UVRAG: variants seen among roughly 807,000 people sequenced by gnomAD.
The protein encoded by UVRAG is UV radiation resistance associated.
In UVRAG, 19 loss-of-function variants were observed where a neutral mutation model predicts 78.0. The ratio of observed to expected loss-of-function variants is 0.24; its 90% CI spans 0.17 to 0.36. UVRAG has a LOEUF of 0.36. UVRAG is among the 10% of genes least tolerant of loss of function. The probability of loss-of-function intolerance (pLI) is 1.00; values close to 1 mark genes in which losing one functional copy is unlikely to be tolerated. For synonymous variants in UVRAG, 323 were observed against 324.6 expected (o/e 1.00, Z 0.05); for missense variants, 740 against 853.8 (o/e 0.87, Z 1.66).
At chr11:75,818,060 A>AAAAC (rs145140799) in intron 1 of UVRAG, among the ~76,000 whole-genome samples, 6,378 of 151,124 alleles carry the variant, frequency 0.042, 444 homozygotes, top group African/African-American at 0.15. Context: ...ACTCTATCTA[A>AAAAC]AAACAAACAA....
chr11:75,845,157 G>A (rs1189091988), intron 1 of UVRAG, among the ~76,000 whole-genome samples: 1 of 152,160 alleles, frequency 6.6e-6, no homozygotes, highest in East Asian at 1.9e-4. Flanking sequence ...GATTTTGTAT[G>A]TTAGTGAATG....
intron 13 of UVRAG, among the ~76,000 whole-genome samples, chr11:76,090,095 C>G (rs891197186): frequency 6.6e-6 from 1 of 152,188 alleles, no homozygotes; most frequent in Non-Finnish European, 1.5e-5. Flanking sequence ...TTCAACCAAT[C>G]TCCTGACTGC....
chr11:75,943,452 G>A (rs1948526649), intron 6 of UVRAG, among the ~76,000 whole-genome samples: 2 of 151,794 alleles, frequency 1.3e-5, no homozygotes, highest in East Asian at 1.9e-4. Flanking sequence ...TGTGTTTATT[G>A]TGTAATGAAT....
At chr11:75,954,515 A>G (rs572402362) in intron 6 of UVRAG, among the ~76,000 whole-genome samples, 12 of 152,232 alleles carry the variant, frequency 7.9e-5, no homozygotes, top group African/African-American at 2.9e-4. Context: ...AGTGGTCTCT[A>G]TGTGATTTTT....
At chr11:75,943,475 A>G (rs1413748887) in intron 6 of UVRAG, among the ~76,000 whole-genome samples, 1 of 152,158 alleles carries the variant, frequency 6.6e-6, no homozygotes, top group African/African-American at 2.4e-5. Context: ...ATTTTAAATT[A>G]AACTTACTAA....
chr11:76,025,061 T>C (rs1239261742), intron 12 of UVRAG, among the ~76,000 whole-genome samples: 1 of 152,214 alleles, frequency 6.6e-6, no homozygotes, highest in Non-Finnish European at 1.5e-5. Context: ...AAAAGACCGA[T>C]TTCTTTTCTT....
chr11:76,141,237 G>GGT lies in UVRAG; in HGVS notation c.1925_1926dup (p.Phe643ValfsTer8). 1 of 1,614,192 alleles carries GGT rather than the reference G, an allele frequency of 6.2e-7. No individual in the cohort carries two copies. Among genetic ancestry groups the GGT allele is most frequent in the East Asian group, 2.2e-5 (1 of 44,880 alleles). ...AGAAATCATCGGGCTGGAAGCCACA[G>GGT]GTTTCGCCTCAGGTGATCAGCTAGA... On this transcript the variant is annotated frameshift_variant, in exon 15 of 15. Transcript: ENST00000356136. LOFTEE classifies it high-confidence loss of function.
At chr11:76,043,169 A>T (rs1006491224) in intron 12 of UVRAG, among the ~76,000 whole-genome samples, 2 of 152,184 alleles carry the variant, frequency 1.3e-5, no homozygotes, top group African/African-American at 4.8e-5. Flanking sequence ...CGTAGTGAGT[A>T]TGTAGGTCAT....
intron 5 of UVRAG, among the ~76,000 whole-genome samples, chr11:75,907,192 C>T (rs976079829): frequency 3.3e-5 from 5 of 152,160 alleles, no homozygotes; most frequent in African/African-American, 1.2e-4. Context: ...GTTTGGAATA[C>T]ACTTTATTTT....
chr11:75,837,681 G>A (rs1462629109), intron 1 of UVRAG: 1 of 151,920 alleles, frequency 6.6e-6, no homozygotes, highest in African/African-American at 2.4e-5. Context: ...TTTTCTATCT[G>A]TAATTGGTTG....
chr11:75,825,111 CT>C (rs112517783), intron 1 of UVRAG, among the ~76,000 whole-genome samples: 506 of 140,998 alleles, frequency 3.6e-3, no homozygotes, highest in Middle Eastern at 3.7e-3. Context: ...TAAGTAATGT[CT>C]TTTTTTTTTT....
chr11:76,085,806 T>C lies in UVRAG; in HGVS notation c.1305+20018T>C, dbSNP rs559865643. ...TAGCATTTTTCAGCATTAGGTCTTG[T>C]GATCAAGGTAAGCAGGTTTGTCATT... On this transcript the variant is annotated intron_variant, in intron 13 of 14. Transcript: ENST00000356136. Among the ~76,000 whole-genome samples the C allele has an allele frequency of 1.1e-4, 16 of 152,336 alleles. No homozygotes were observed. The South Asian group carries it at 3.3e-3, about 32-fold the overall frequency.
intron 2 of UVRAG, among the ~76,000 whole-genome samples, chr11:75,855,495 A>T (rs1946267632): frequency 6.6e-6 from 1 of 152,240 alleles, no homozygotes; most frequent in Admixed American, 6.5e-5. Flanking sequence ...TGGGCTTTAC[A>T]AACTTTTAAC....
chr11:75,929,404 C>T (rs1264534397), intron 6 of UVRAG, among the ~76,000 whole-genome samples: 3 of 151,978 alleles, frequency 2.0e-5, no homozygotes, highest in Admixed American at 1.3e-4. Context: ...TAAACAGTAG[C>T]GGAATGAAAA....
chr11:76,137,117 A>G (rs1670478078), intron 14 of UVRAG: 1 of 269,074 alleles, frequency 3.7e-6, no homozygotes, highest in African/African-American at 2.2e-5. Flanking sequence ...TATAATAAAT[A>G]CAGCATATTG....
At chr11:76,124,566 C>G (rs951667513) in intron 14 of UVRAG, among the ~76,000 whole-genome samples, 1 of 152,206 alleles carries the variant, frequency 6.6e-6, no homozygotes, top group Non-Finnish European at 1.5e-5. Flanking sequence ...ATCTCAGTGA[C>G]CTTAGTAAGG....
intron 13 of UVRAG, among the ~76,000 whole-genome samples, chr11:76,076,377 A>T (rs1199338037): frequency 6.6e-6 from 1 of 152,218 alleles, no homozygotes; most frequent in Non-Finnish European, 1.5e-5. Context: ...ACTGTGTTAC[A>T]TGGCAGCAAG....
intron 12 of UVRAG, among the ~76,000 whole-genome samples, chr11:76,063,009 C>T (rs985756955): frequency 4.6e-5 from 7 of 152,116 alleles, no homozygotes; most frequent in Non-Finnish European, 7.3e-5. Flanking sequence ...AGCCTGGGAT[C>T]GCATTAGCTT....
intron 12 of UVRAG, among the ~76,000 whole-genome samples, chr11:76,051,093 C>T (rs965714449): frequency 3.3e-5 from 5 of 152,112 alleles, no homozygotes; most frequent in Non-Finnish European, 2.9e-5. Context: ...TGTCCTGATA[C>T]GTTTAAGCAA....
Sources: gnomAD v4.1 joint callset for allele counts (sites outside exome capture counted in the v4.1 genomes callset) on GRCh38, gnomAD v4.1.1 for gene constraint, MANE v1.5 for transcripts, NCBI Gene and HGNC (gene_info 2026-07-23, HGNC 2026-07-21) for gene names.